The following MAPKAP1 variants were observed in gnomAD, a reference collection of about 807,000 sequenced individuals.
MAPKAP1 encodes the protein MAPK associated protein 1, also known as target of rapamycin complex 2 subunit MAPKAP1.
MAPKAP1 carries 20 observed loss-of-function variants against 65.7 expected under a neutral mutation model. The ratio of observed to expected loss-of-function variants is 0.30; its 90% CI spans 0.21 to 0.44. The LOEUF is 0.44. MAPKAP1 is among the 20% of genes least tolerant of loss of function. The pLI is 1.00. For synonymous variants in MAPKAP1, 222 were observed against 244.3 expected, an observed-to-expected ratio of 0.91 and a Z score of 0.85; for missense variants, 423 against 648.0, an observed-to-expected ratio of 0.65 and a Z score of 3.77.
chr9:125,662,634 G>A (rs1588050129), intron 3 of MAPKAP1, among the ~76,000 whole-genome samples: 1 of 152,140 alleles, frequency 6.6e-6, no homozygotes, highest in Admixed American at 6.5e-5. Context: ...AGTGAGCCAA[G>A]ATCGTGCCAC....
intron 4 of MAPKAP1, among the ~76,000 whole-genome samples, chr9:125,625,760 AT>A (rs1362112017): frequency 6.6e-6 from 1 of 152,222 alleles, no homozygotes; most frequent in African/African-American, 2.4e-5. Flanking sequence ...GCACCACTGT[AT>A]TCCAGCCTGT....
chr9:125,597,473 A>G (rs973385957), intron 4 of MAPKAP1, among the ~76,000 whole-genome samples: 52 of 152,222 alleles, frequency 3.4e-4, no homozygotes, highest in African/African-American at 1.2e-3. Flanking sequence ...ATCCATATCA[A>G]GTGAGTTAGC....
At position 125,672,221 on chromosome 9, in the gene MAPKAP1, A is replaced by T. The variant is rs1373481469; in HGVS notation, c.259+95T>A. On this transcript the variant is annotated intron_variant, in intron 2 of 11. Transcript: ENST00000265960. ...CATGTTCCTATTAATACCCGGAAACATCCCCCATTAAGCCTATTCCAATAT... is the reference window on the plus strand; with the variant it reads ...CATGTTCCTATTAATACCCGGAAACTTCCCCCATTAAGCCTATTCCAATAT... 5.8e-6 allele frequency: 8 copies of T among 1,373,288 alleles called. No homozygotes were observed. The East Asian group carries it at 1.6e-4, about 28-fold the overall frequency. The allele number at this position is 1,373,288 out of a possible 1,614,324, so 85.1% of individuals were successfully genotyped here.
chr9:125,453,702 T>G (rs1380358353), intron 10 of MAPKAP1, among the ~76,000 whole-genome samples: 1 of 152,242 alleles, frequency 6.6e-6, no homozygotes, highest in Non-Finnish European at 1.5e-5. Flanking sequence ...CCTTGCCTGC[T>G]TTTGTAACAT....
chr9:125,484,706 G>T, intron 8 of MAPKAP1, 123 bp from the exon 9 acceptor site: 1 of 907,222 alleles, frequency 1.1e-6, no homozygotes, highest in Non-Finnish European at 1.6e-6. Flanking sequence ...AGAAAAGGCT[G>T]AGCGATGACT....
rs144169765 is a variant in MAPKAP1, at chr9:125,518,723, T to G, written c.959-12306A>C. Among the ~76,000 whole-genome samples, 29 of 152,330 alleles carry G rather than the reference T, an allele frequency of 1.9e-4. 1 individual carries two copies. The East Asian group carries it at 5.6e-3, about 29-fold the overall frequency. On this transcript the variant is annotated intron_variant, in intron 7 of 11. Transcript: ENST00000265960. ...ATGGGAAGAATTCTATGATACATTATTAAATTTATAAGATATAGAATGTAC... is the reference window on the plus strand; with the variant it reads ...ATGGGAAGAATTCTATGATACATTAGTAAATTTATAAGATATAGAATGTAC...
chr9:125,565,092 A>G (rs1034125471), intron 5 of MAPKAP1, among the ~76,000 whole-genome samples: 2 of 152,198 alleles, frequency 1.3e-5, no homozygotes, highest in African/African-American at 4.8e-5. Context: ...GGCAGAATAT[A>G]TATGATACAT....
intron 4 of MAPKAP1, among the ~76,000 whole-genome samples, chr9:125,627,197 T>C (rs780182578): frequency 3.9e-5 from 6 of 152,202 alleles, no homozygotes; most frequent in Non-Finnish European, 7.3e-5. Context: ...TACTGCAATG[T>C]TTCATGACTA....
At chr9:125,501,903 T>G (rs912839506) in intron 8 of MAPKAP1, among the ~76,000 whole-genome samples, 2 of 152,134 alleles carry the variant, frequency 1.3e-5, no homozygotes, top group Non-Finnish European at 2.9e-5. Context: ...CTCTTCCTTG[T>G]TTTTGTCCAT....
chr9:125,643,373 T>C (rs1019811538), intron 4 of MAPKAP1, among the ~76,000 whole-genome samples: 3 of 151,880 alleles, frequency 2.0e-5, no homozygotes, highest in African/African-American at 7.3e-5. Context: ...TTTTGTATTT[T>C]TGGTAGAGAT....
At chr9:125,625,236 T>TTA (rs1833069039) in intron 4 of MAPKAP1, among the ~76,000 whole-genome samples, 1 of 54,458 alleles carries the variant, frequency 1.8e-5, no homozygotes, top group African/African-American at 7.3e-5. Context: ...GAATTATCAA[T>TTA]AAAAAAAAAA....
At chr9:125,573,271 T>A (rs1188520811) in intron 5 of MAPKAP1, among the ~76,000 whole-genome samples, 1 of 152,106 alleles carries the variant, frequency 6.6e-6, no homozygotes, top group East Asian at 1.9e-4. Flanking sequence ...ACAACCTTAC[T>A]GACAAAACAG....
At chr9:125,553,943 G>GCCTCCCA (rs1160526740) in intron 6 of MAPKAP1, among the ~76,000 whole-genome samples, 1 of 151,074 alleles carries the variant, frequency 6.6e-6, no homozygotes, top group Non-Finnish European at 1.5e-5. Flanking sequence ...AGGCTGAGGT[G>GCCTCCCA]GGACGATTGC....
chr9:125,628,390 A>G (rs1833176093), intron 4 of MAPKAP1, among the ~76,000 whole-genome samples: 1 of 152,182 alleles, frequency 6.6e-6, no homozygotes, highest in African/African-American at 2.4e-5. Flanking sequence ...CACATAAAGG[A>G]TACACTCTAA....
At chr9:125,545,387 G>A (rs1051318014) in intron 6 of MAPKAP1, among the ~76,000 whole-genome samples, 4 of 152,178 alleles carry the variant, frequency 2.6e-5, no homozygotes, top group Non-Finnish European at 4.4e-5. Flanking sequence ...AGTCAACCAC[G>A]TTCAGATTTG....
intron 11 of MAPKAP1, among the ~76,000 whole-genome samples, chr9:125,444,239 G>T (rs1203609237): frequency 6.6e-6 from 1 of 152,258 alleles, no homozygotes; most frequent in Non-Finnish European, 1.5e-5. Context: ...AAGAGCCAGG[G>T]TTATTGGGAT....
rs545265776 is a variant in MAPKAP1 at position 125,585,605 on chromosome 9, G to A, written c.621C>T (p.Ile207=). The A allele has an allele frequency of 1.2e-5, 20 of 1,614,224 alleles. No individual in the cohort carries two copies. The highest frequency in any genetic ancestry group is 3.3e-4 in the Middle Eastern group (2 of 6,062). ...TMASARVQDL[I]GLICWQYTSE... ...TTGTATACTGCCAGCAGATGAGCCCGATCAGGTCCTGCACCCTGGCGCTGG... is the reference window on the plus strand; with the variant it reads ...TTGTATACTGCCAGCAGATGAGCCCAATCAGGTCCTGCACCCTGGCGCTGG... Residue 207 remains isoleucine, a synonymous_variant, in exon 5 of 12, where the codon ATC becomes ATT. Transcript: ENST00000265960.
chr9:125,466,703 C>A (rs555199440), intron 10 of MAPKAP1, among the ~76,000 whole-genome samples: 6 of 152,122 alleles, frequency 3.9e-5, no homozygotes, highest in African/African-American at 1.4e-4. Context: ...TTTGCAGGGT[C>A]GGAGGCCTCG....
At chr9:125,558,590 C>T (rs905078780) in intron 6 of MAPKAP1, among the ~76,000 whole-genome samples, 5 of 152,130 alleles carry the variant, frequency 3.3e-5, no homozygotes, top group Non-Finnish European at 7.3e-5. Flanking sequence ...CTAAAGCAAT[C>T]CCTTTTGAGC....
Sources: allele counts gnomAD v4.1 joint callset (sites outside exome capture counted in the v4.1 genomes callset), GRCh38; gene constraint gnomAD v4.1.1; transcripts MANE v1.5; gene names NCBI Gene and HGNC (gene_info 2026-07-23, HGNC 2026-07-21).